Variants in MAL2 observed in about 807,000 individuals in gnomAD.
MAL2 encodes protein MAL2.
Under a neutral mutation model 18.1 loss-of-function variants are expected in MAL2, and 17 were observed. The ratio of observed to expected loss-of-function variants is 0.94; its 90% CI spans 0.64 to 1.41. The LOEUF (loss-of-function observed/expected upper bound fraction) is 1.41. Ranked by LOEUF, MAL2 falls within the 40% of genes most tolerant of loss-of-function variation. The pLI is 0.00. For synonymous variants in MAL2, 102 were observed against 102.3 expected, an observed-to-expected ratio of 1.00 and a Z score of 0.02; for missense variants, 222 against 231.9, an observed-to-expected ratio of 0.96 and a Z score of 0.28.
chr8:119,223,699 G>A (rs528573494), intron 2 of MAL2: 21 of 152,278 alleles, frequency 1.4e-4, no homozygotes, highest in African/African-American at 5.1e-4. Context: ...TGATTGTATG[G>A]TAGGCATGCT....
At chr8:119,242,863 T>A (rs1338904289) in intron 3 of MAL2, among the ~76,000 whole-genome samples, 1 of 152,222 alleles carries the variant, frequency 6.6e-6, no homozygotes. Flanking sequence ...TACACACAGT[T>A]GGTGCTGAAG....
rs985110607 is a variant in MAL2, at chr8:119,210,025, G to A, written c.132+1421G>A. Among the ~76,000 whole-genome samples the A allele has an allele frequency of 2.0e-5, 3 of 152,290 alleles. No individual in the cohort carries two copies. The East Asian group carries it at 5.8e-4, about 29-fold the overall frequency. The stretch of plus-strand genomic sequence containing the variant: ...GGCTACTTTATTCCATGTTCTGCAA[G>A]CTCCAGTTTTTTGCCTACCTCTTTG... On this transcript the variant is annotated intron_variant, in intron 1 of 3. Transcript: ENST00000614891.
At chr8:119,228,440 T>A (rs2129845233) in intron 2 of MAL2, among the ~76,000 whole-genome samples, 1 of 152,084 alleles carries the variant, frequency 6.6e-6, no homozygotes, top group Middle Eastern at 3.4e-3. Flanking sequence ...ATTCTTCCAA[T>A]GGGGACACAA....
At chr8:119,234,215 C>A (rs956548457) in intron 2 of MAL2, among the ~76,000 whole-genome samples, 8 of 152,278 alleles carry the variant, frequency 5.3e-5, no homozygotes, top group African/African-American at 1.9e-4. Context: ...CCGGGAAAAT[C>A]GGGTCACTCC....
intron 2 of MAL2, among the ~76,000 whole-genome samples, chr8:119,226,199 A>C (rs981406201): frequency 6.6e-6 from 1 of 152,166 alleles, no homozygotes; most frequent in Non-Finnish European, 1.5e-5. Flanking sequence ...TGTTTTAGAC[A>C]TGAAGTCCTT....
At position 119,243,804 on chromosome 8, in the gene MAL2, T is replaced by C; in HGVS notation, c.*316T>C. On this transcript the variant is annotated 3_prime_UTR_variant, in exon 4 of 4. Transcript: ENST00000614891. ...ATTGTTCATAAAAAATTAGTATCCC[T>C]TTTGTTTGGTTGCTGAGTCACCTGA... 5.1e-6 allele frequency: 1 copy of C among 195,414 alleles called. No individual in the cohort carries two copies. Among genetic ancestry groups the C allele is most frequent in the East Asian group, 1.1e-4 (1 of 8,772 alleles). The allele number at this position is 195,414 out of a possible 1,614,324, so 12.1% of individuals were successfully genotyped here. A position where few individuals can be genotyped will look rare whatever the true frequency, so the allele number is the denominator to read the frequency against.
chr8:119,235,261 A>C (rs1014969492), intron 2 of MAL2, among the ~76,000 whole-genome samples: 4 of 152,138 alleles, frequency 2.6e-5, no homozygotes, highest in African/African-American at 9.7e-5. Flanking sequence ...AAAAGAATAA[A>C]AAGAAATGAG....
intron 2 of MAL2, among the ~76,000 whole-genome samples, chr8:119,239,791 G>A (rs979726856): frequency 6.6e-6 from 1 of 151,902 alleles, no homozygotes. Context: ...AGCATTAGGA[G>A]ATATACCTAA....
intron 1 of MAL2, 81 bp from the exon 2 acceptor site, chr8:119,221,506 G>A (rs1218889014): frequency 6.5e-7 from 1 of 1,531,130 alleles, no homozygotes; most frequent in Admixed American, 1.8e-5. Context: ...AGGCAATGCT[G>A]AGGGTAATAC....
chr8:119,228,433 C>A (rs971872637), intron 2 of MAL2, among the ~76,000 whole-genome samples: 1 of 152,102 alleles, frequency 6.6e-6, no homozygotes, highest in African/African-American at 2.4e-5. Context: ...AGTTTCCATT[C>A]TTCCAATGGG....
intron 1 of MAL2, chr8:119,221,373 G>T: frequency 1.9e-6 from 1 of 540,354 alleles, no homozygotes; most frequent in South Asian, 2.7e-5. Flanking sequence ...TGTGGAGTTG[G>T]ATCAGTTCTC....
rs1311061925 is a variant in MAL2 at position 119,244,793 on chromosome 8, A to C, written c.*1305A>C. 1 of 152,556 alleles carries C rather than the reference A, an allele frequency of 6.6e-6. No homozygotes were observed. The highest frequency in any genetic ancestry group is 1.9e-4 in the East Asian group (1 of 5,194). 9.5% of individuals were successfully genotyped at this position (152,556 alleles called of 1,614,324 possible). ...ACTATTTCTGGCTGAATAGCACAGA[A>C]AAGTATTTTAACCTACCTGTAGAGA... On this transcript the variant is annotated 3_prime_UTR_variant, in exon 4 of 4. Transcript: ENST00000614891.
At chr8:119,239,199 G>A (rs1354446566) in intron 2 of MAL2, among the ~76,000 whole-genome samples, 1 of 152,194 alleles carries the variant, frequency 6.6e-6, no homozygotes, top group African/African-American at 2.4e-5. Flanking sequence ...GACCATCAGA[G>A]AAATGCAAAT....
intron 1 of MAL2, among the ~76,000 whole-genome samples, chr8:119,213,994 C>T (rs901710576): frequency 1.3e-5 from 2 of 152,066 alleles, no homozygotes; most frequent in African/African-American, 2.4e-5. Context: ...AAAGATTCAC[C>T]TTGAGCTCCA....
At chr8:119,240,115 C>A in intron 2 of MAL2, 50 bp from the exon 3 acceptor site, 1 of 1,565,934 alleles carries the variant, frequency 6.4e-7, no homozygotes, top group East Asian at 2.2e-5. Context: ...AAATAAGGAA[C>A]AGAAAAATAT....
At chr8:119,238,551 C>T (rs970044633) in intron 2 of MAL2, among the ~76,000 whole-genome samples, 2 of 149,752 alleles carry the variant, frequency 1.3e-5, no homozygotes, top group South Asian at 2.1e-4. Context: ...GTAACCAAAA[C>T]AGCATGGTAC....
intron 2 of MAL2, among the ~76,000 whole-genome samples, chr8:119,233,726 C>A (rs909935977): frequency 4.6e-5 from 7 of 151,980 alleles, no homozygotes; most frequent in African/African-American, 1.5e-4. Flanking sequence ...GATGGATTCA[C>A]AGCCGAATTC....
intron 2 of MAL2, among the ~76,000 whole-genome samples, chr8:119,226,407 C>A (rs1036896084): frequency 6.7e-6 from 1 of 148,722 alleles, no homozygotes; most frequent in Admixed American, 6.9e-5. Flanking sequence ...TCCTTTCCCC[C>A]CCTTTTTTTT....
chr8:119,240,979 T>A (rs1209160918), intron 3 of MAL2, among the ~76,000 whole-genome samples: 2 of 152,198 alleles, frequency 1.3e-5, no homozygotes, highest in African/African-American at 4.8e-5. Context: ...TTGTTAGAGA[T>A]CATTGTTAAG....
Sources: allele counts gnomAD v4.1 joint callset (sites outside exome capture counted in the v4.1 genomes callset), GRCh38; gene constraint gnomAD v4.1.1; transcripts MANE v1.5; gene names NCBI Gene and HGNC (gene_info 2026-07-23, HGNC 2026-07-21).